Variants in CCNH observed in about 807,000 individuals in gnomAD.
CCNH encodes cyclin-H.
CCNH carries 31 observed loss-of-function variants against 41.9 expected under a neutral mutation model. That is an observed-to-expected ratio of 0.74 (90% confidence interval 0.56 to 1.00). The LOEUF (loss-of-function observed/expected upper bound fraction) is 1.00. CCNH is among the 50% of genes least tolerant of loss of function. CCNH has a pLI of 0.00. For synonymous variants in CCNH, 138 were observed against 136.1 expected, an observed-to-expected ratio of 1.01 and a Z score of -0.10; for missense variants, 362 against 388.4, an observed-to-expected ratio of 0.93 and a Z score of 0.57.
intron 9 of CCNH, among the ~76,000 whole-genome samples, chr5:87,336,668 A>C (rs372489732): frequency 2.6e-4 from 40 of 152,226 alleles, no homozygotes; most frequent in African/African-American, 8.7e-4. Flanking sequence ...TTGAAATTAG[A>C]AATATCTCTT....
chr5:87,347,655 GA>G (rs1758958175), intron 9 of CCNH, among the ~76,000 whole-genome samples: 1 of 151,956 alleles, frequency 6.6e-6, no homozygotes, highest in Admixed American at 6.6e-5. Flanking sequence ...TGAAAGATTT[GA>G]GATAGTTTTT....
chr5:87,398,170 A>AAAACATG (rs1288543767), intron 7 of CCNH, among the ~76,000 whole-genome samples: 1 of 152,252 alleles, frequency 6.6e-6, no homozygotes, highest in Non-Finnish European at 1.5e-5. Context: ...GTTCTATGCT[A>AAAACATG]AAACATGCTT....
intron 7 of CCNH, among the ~76,000 whole-genome samples, chr5:87,398,070 C>A (rs1300994178): frequency 6.6e-6 from 1 of 152,228 alleles, no homozygotes; most frequent in Non-Finnish European, 1.5e-5. Flanking sequence ...TACTTTTATT[C>A]ATTAAAGTCA....
intron 9 of CCNH, among the ~76,000 whole-genome samples, chr5:87,358,585 C>T (rs1040528283): frequency 2.6e-5 from 4 of 152,226 alleles, no homozygotes; most frequent in African/African-American, 9.6e-5. Context: ...CCTTATGCTG[C>T]ATGCTGCGCA....
chr5:87,387,808 G>T (rs79762165), downstream of CCNH, among the ~76,000 whole-genome samples: 2,222 of 152,162 alleles, frequency 0.015, 35 homozygotes, highest in African/African-American at 0.041. Flanking sequence ...ATAGTGAAAT[G>T]GACAAAAATG....
Position 87,394,310 on chromosome 5 carries a change from T to C in CCNH, c.*136A>G, listed in dbSNP as rs1326877934. 7.3e-7 allele frequency: 1 copy of C among 1,366,444 alleles called. No homozygotes were observed. The highest frequency in any genetic ancestry group is 9.5e-7 in the Non-Finnish European group (1 of 1,052,376). 84.6% of individuals were successfully genotyped at this position (1,366,444 alleles called of 1,614,324 possible). On this transcript the variant is annotated 3_prime_UTR_variant, in exon 9 of 9. Transcript: ENST00000256897. The stretch of plus-strand genomic sequence containing the variant: ...TGGTTTATTTTACATAAAGTTACTG[T>C]GAAAGGGAAAGAAAACAATAGAAAA...
upstream of CCNH, among the ~76,000 whole-genome samples, chr5:87,379,253 A>G (rs1438462668): frequency 6.6e-6 from 1 of 152,168 alleles, no homozygotes. Flanking sequence ...TTGGCCTAAC[A>G]TAAGGATGAC....
At chr5:87,331,043 G>A (rs1757563159) in intron 9 of CCNH, 26 of 1,270,838 alleles carry the variant, frequency 2.0e-5, no homozygotes, top group Non-Finnish European at 2.6e-5. Context: ...AGATCTGGTT[G>A]CAGTAGTGTT....
intron 9 of CCNH, among the ~76,000 whole-genome samples, chr5:87,353,508 C>G (rs1759431762): frequency 6.6e-6 from 1 of 151,406 alleles, no homozygotes; most frequent in African/African-American, 2.4e-5. Context: ...TTTTTGGAGG[C>G]AAAAGTAGAG....
Position 87,412,865 on chromosome 5 carries a change from C to T in CCNH, c.-71G>A. The stretch of plus-strand genomic sequence containing the variant: ...AACGCATCAGCGTCCTGGCGTAAAA[C>T]ACCCGTACCCCCACCGAAGATCTCG... On this transcript the variant is annotated 5_prime_UTR_variant, in exon 1 of 9. Transcript: ENST00000256897. 6.4e-7 allele frequency: 1 copy of T among 1,572,174 alleles called. No individual in the cohort carries two copies. The highest frequency in any genetic ancestry group is 8.7e-7 in the Non-Finnish European group (1 of 1,153,650).
downstream of CCNH, among the ~76,000 whole-genome samples, chr5:87,315,920 T>G (rs141263268): frequency 6.6e-6 from 1 of 152,332 alleles, no homozygotes; most frequent in African/African-American, 2.4e-5. Context: ...TTATTGAAAG[T>G]CATTTGGAAT....
downstream of CCNH, among the ~76,000 whole-genome samples, chr5:87,315,282 G>C (rs1756239968): frequency 6.6e-6 from 1 of 152,198 alleles, no homozygotes; most frequent in Admixed American, 6.5e-5. Flanking sequence ...AGGGGGGTTG[G>C]CATCTAGCAA....
At chr5:87,374,740 TA>T, downstream of CCNH, 6 of 1,492,660 alleles carry the variant, frequency 4.0e-6, no homozygotes, top group East Asian at 2.4e-5. Flanking sequence ...TTTTTTTTTT[TA>T]AAGCAGAAAT....
At chr5:87,396,698 C>T (rs1762992551) in intron 7 of CCNH, among the ~76,000 whole-genome samples, 1 of 152,050 alleles carries the variant, frequency 6.6e-6, no homozygotes, top group Admixed American at 6.5e-5. Flanking sequence ...ATATAAGTGA[C>T]TGTTAAGTAT....
chr5:87,388,700 C>T (rs184332014), downstream of CCNH, among the ~76,000 whole-genome samples: 1 of 152,268 alleles, frequency 6.6e-6, no homozygotes, highest in East Asian at 1.9e-4. Context: ...TGAGCATAGT[C>T]CACAGATAAT....
At chr5:87,376,511 A>T in exon 1 of CCNH, 3 of 1,614,112 alleles carry the variant, frequency 1.9e-6, no homozygotes, top group Non-Finnish European at 2.5e-6. Context: ...GTGTTCGAGC[A>T]CGATACTCTA....
intron 9 of CCNH, among the ~76,000 whole-genome samples, chr5:87,345,606 C>T (rs1758806862): frequency 6.6e-6 from 1 of 152,108 alleles, no homozygotes; most frequent in Non-Finnish European, 1.5e-5. Context: ...TGAGTTAATG[C>T]TTGGAATGGT....
chr5:87,355,433 G>C (rs961404127), intron 9 of CCNH, among the ~76,000 whole-genome samples: 2 of 152,176 alleles, frequency 1.3e-5, no homozygotes, highest in South Asian at 2.1e-4. Flanking sequence ...TAGCCCATCT[G>C]TTTACAGCAT....
chr5:87,398,503 C>T lies in CCNH; in HGVS notation c.872+891G>A, dbSNP rs151305015. Among the ~76,000 whole-genome samples the T allele has an allele frequency of 4.2e-3, 645 of 152,252 alleles. 3 individuals carry two copies. Among genetic ancestry groups the T allele is most frequent in the Non-Finnish European group, 6.2e-3 (422 of 68,012 alleles). ...AATGGCAGTTTCATTAATCCTAGTA[C>T]CTGTCCAAATTCCCAACTGCTTAAA... is the stretch of plus-strand genomic sequence containing the variant. On this transcript the variant is annotated intron_variant, in intron 7 of 8. Transcript: ENST00000256897.
Sources: allele counts gnomAD v4.1 joint callset (sites outside exome capture counted in the v4.1 genomes callset), GRCh38; gene constraint gnomAD v4.1.1; transcripts MANE v1.5; gene names NCBI Gene and HGNC (gene_info 2026-07-23, HGNC 2026-07-21).